The following AGBL1 variants were observed in gnomAD, a reference collection of about 807,000 sequenced individuals.
AGBL1 encodes AGBL carboxypeptidase 1, also known as cytosolic carboxypeptidase 4.
In AGBL1, 130 loss-of-function variants were observed where a neutral mutation model predicts 118.9. The ratio of observed to expected loss-of-function variants is 1.09; its 90% CI spans 0.95 to 1.26. The LOEUF is 1.26. Ranked by LOEUF, AGBL1 falls within the 50% of genes most tolerant of loss-of-function variation. The pLI, the probability that AGBL1 is intolerant of heterozygous loss-of-function variation, is 0.00. For synonymous variants in AGBL1, 555 were observed against 478.9 expected, an observed-to-expected ratio of 1.16 and a Z score of -2.08; for missense variants, 1,584 against 1,298.1, an observed-to-expected ratio of 1.22 and a Z score of -3.38.
At chr15:86,714,795 C>T (rs1312059455) in intron 22 of AGBL1, among the ~76,000 whole-genome samples, 20 of 152,170 alleles carry the variant, frequency 1.3e-4, no homozygotes, top group African/African-American at 4.6e-4. Context: ...TGTAAAGGGT[C>T]CCCTGAAGGG....
At chr15:86,676,860 T>G (rs891591002) in intron 22 of AGBL1, among the ~76,000 whole-genome samples, 3 of 152,082 alleles carry the variant, frequency 2.0e-5, no homozygotes, top group Non-Finnish European at 2.9e-5. Context: ...CTCAGCACTT[T>G]GGGAGGCTGA....
At chr15:86,537,267 C>T (rs1422838381) in intron 19 of AGBL1, among the ~76,000 whole-genome samples, 1 of 152,200 alleles carries the variant, frequency 6.6e-6, no homozygotes, top group African/African-American at 2.4e-5. Context: ...ATGGTGAAGA[C>T]AGAGGTCCCA....
At chr15:86,410,842 A>ATATT (rs36174307) in intron 18 of AGBL1, among the ~76,000 whole-genome samples, 2 of 74,672 alleles carry the variant, frequency 2.7e-5, no homozygotes, top group Non-Finnish European at 4.7e-5. Context: ...ATATATATAT[A>ATATT]ATATACTATT....
chr15:86,382,405 G>T (rs1382264825), intron 17 of AGBL1, among the ~76,000 whole-genome samples: 1 of 152,152 alleles, frequency 6.6e-6, no homozygotes, highest in Non-Finnish European at 1.5e-5. Context: ...CAGGCTCTCT[G>T]ACCAGACCTG....
At chr15:86,286,731 G>GTA (rs2079456059) in intron 16 of AGBL1, among the ~76,000 whole-genome samples, 1 of 72,158 alleles carries the variant, frequency 1.4e-5, no homozygotes, top group African/African-American at 8.0e-5. Context: ...GTGTGTTTGT[G>GTA]TGTGTATATA....
intron 22 of AGBL1, among the ~76,000 whole-genome samples, chr15:86,681,257 T>C (rs989247711): frequency 2.0e-5 from 3 of 152,200 alleles, no homozygotes; most frequent in Non-Finnish European, 4.4e-5. Context: ...CTCTGCTCTT[T>C]GCTGATAACA....
intron 1 of AGBL1, among the ~76,000 whole-genome samples, chr15:86,095,046 G>A (rs186304253): frequency 7.2e-4 from 109 of 152,158 alleles, no homozygotes; most frequent in African/African-American, 2.5e-3. Context: ...ACTCAGGAAA[G>A]CACTTTTATT....
At chr15:86,373,507 G>A (rs2080997467) in intron 17 of AGBL1, among the ~76,000 whole-genome samples, 1 of 152,198 alleles carries the variant, frequency 6.6e-6, no homozygotes, top group Admixed American at 6.5e-5. Context: ...TGTCAGAGAT[G>A]AAATCTAAGT....
chr15:86,691,681 G>C (rs983227332), intron 22 of AGBL1, among the ~76,000 whole-genome samples: 2 of 152,066 alleles, frequency 1.3e-5, no homozygotes, highest in African/African-American at 4.8e-5. Context: ...CCTTCTGGAA[G>C]GTCAATAATG....
intron 6 of AGBL1, among the ~76,000 whole-genome samples, chr15:86,230,965 C>T (rs1229174751): frequency 6.6e-6 from 1 of 152,162 alleles, no homozygotes; most frequent in Non-Finnish European, 1.5e-5. Context: ...CCCCATCCCC[C>T]TTATTTTCAC....
At chr15:86,172,106 T>C (rs1200500129) in intron 5 of AGBL1, among the ~76,000 whole-genome samples, 1 of 152,144 alleles carries the variant, frequency 6.6e-6, no homozygotes, top group East Asian at 1.9e-4. Context: ...GCTCAGGTGA[T>C]GGTGCACCAA....
intron 22 of AGBL1, among the ~76,000 whole-genome samples, chr15:86,792,030 C>T (rs540624997): frequency 6.6e-5 from 10 of 152,130 alleles, no homozygotes; most frequent in South Asian, 2.1e-4. Flanking sequence ...GCCACTGCAC[C>T]GGCCTGTTTT....
intron 22 of AGBL1, among the ~76,000 whole-genome samples, chr15:86,816,274 G>A (rs912089959): frequency 1.3e-5 from 2 of 152,204 alleles, no homozygotes; most frequent in Non-Finnish European, 2.9e-5. Flanking sequence ...TGTCATATCA[G>A]AGAAGTCAAG....
At chr15:86,525,291 A>C (rs2142205956) in intron 19 of AGBL1, among the ~76,000 whole-genome samples, 1 of 152,320 alleles carries the variant, frequency 6.6e-6, no homozygotes, top group Middle Eastern at 3.4e-3. Flanking sequence ...ATGGATAGGA[A>C]GAATCAATAT....
intron 22 of AGBL1, among the ~76,000 whole-genome samples, chr15:86,714,965 G>A (rs2086616002): frequency 6.6e-6 from 1 of 152,124 alleles, no homozygotes; most frequent in Non-Finnish European, 1.5e-5. Context: ...TTGAAATTTA[G>A]GGTTGCTCAA....
intron 22 of AGBL1, among the ~76,000 whole-genome samples, chr15:86,818,664 A>C (rs980922171): frequency 6.6e-6 from 1 of 152,180 alleles, no homozygotes; most frequent in Non-Finnish European, 1.5e-5. Flanking sequence ...GAAGGTGTGA[A>C]TGACCAAAGT....
chr15:86,583,721 G>A (rs1403478593), intron 21 of AGBL1, among the ~76,000 whole-genome samples: 1 of 152,100 alleles, frequency 6.6e-6, no homozygotes, highest in Non-Finnish European at 1.5e-5. Flanking sequence ...TGGAATTGCT[G>A]GGTCACACAG....
At chr15:86,118,382 C>T (rs1002570155) in intron 1 of AGBL1, among the ~76,000 whole-genome samples, 2 of 151,956 alleles carry the variant, frequency 1.3e-5, no homozygotes, top group African/African-American at 4.8e-5. Context: ...TTTATGCTCA[C>T]AAAATGCTGT....
intron 17 of AGBL1, among the ~76,000 whole-genome samples, chr15:86,346,709 T>C (rs1420583087): frequency 6.6e-6 from 1 of 152,228 alleles, no homozygotes; most frequent in Non-Finnish European, 1.5e-5. Context: ...ATAGCAGCAC[T>C]GCTGACCTGG....
Sources: allele counts gnomAD v4.1 joint callset (sites outside exome capture counted in the v4.1 genomes callset), GRCh38; gene constraint gnomAD v4.1.1; transcripts MANE v1.5; gene names NCBI Gene and HGNC (gene_info 2026-07-23, HGNC 2026-07-21).